Variants in MCPH1 observed in about 807,000 individuals in gnomAD.
The protein encoded by MCPH1 is microcephalin 1.
Under a neutral mutation model 84.5 loss-of-function variants are expected in MCPH1, and 104 were observed. The ratio of observed to expected loss-of-function variants is 1.23; its 90% CI spans 1.05 to 1.45. The LOEUF (loss-of-function observed/expected upper bound fraction) is 1.45, where lower values mean the gene tolerates loss of function less well. MCPH1 is among the 40% of genes most tolerant of loss of function. The pLI is 0.00. For synonymous variants in MCPH1, 514 were observed against 366.8 expected (o/e 1.40, Z -4.58); for missense variants, 1,498 against 1,005.7 (o/e 1.49, Z -6.62).
intron 4 of MCPH1, among the ~76,000 whole-genome samples, chr8:6,434,010 G>A (rs373008634): frequency 1.3e-4 from 20 of 152,030 alleles, no homozygotes; most frequent in Admixed American, 4.6e-4. Flanking sequence ...CACATGACCC[G>A]TTTTCCAGCC....
intron 12 of MCPH1, among the ~76,000 whole-genome samples, chr8:6,530,114 A>T (rs75526852): frequency 6.6e-6 from 1 of 152,226 alleles, no homozygotes; most frequent in Non-Finnish European, 1.5e-5. Flanking sequence ...CATTTTTTGG[A>T]TGAGCTATTC....
intron 13 of MCPH1, chr8:6,626,189 C>A (rs1401854434): frequency 1.0e-6 from 1 of 985,236 alleles, no homozygotes; most frequent in Non-Finnish European, 1.2e-6. Context: ...GCCCGCCACC[C>A]CAGCTGCCCC....
At chr8:6,586,487 C>T (rs932266255) in intron 12 of MCPH1, among the ~76,000 whole-genome samples, 1 of 152,192 alleles carries the variant, frequency 6.6e-6, no homozygotes, top group African/African-American at 2.4e-5. Context: ...TCTGTACAGC[C>T]TCCATGCAGT....
At chr8:6,447,853 A>G (rs1314556307) in intron 8 of MCPH1, among the ~76,000 whole-genome samples, 2 of 151,888 alleles carry the variant, frequency 1.3e-5, no homozygotes, top group African/African-American at 2.4e-5. Context: ...CCGGCCAACA[A>G]TTTTGTTTTC....
At chr8:6,443,362 G>A (rs1215624713) in intron 7 of MCPH1, among the ~76,000 whole-genome samples, 1 of 148,270 alleles carries the variant, frequency 6.7e-6, no homozygotes, top group African/African-American at 2.6e-5. Context: ...AAAATTAAAA[G>A]TGACCTTATT....
At chr8:6,530,102 G>T (rs1249732697) in intron 12 of MCPH1, among the ~76,000 whole-genome samples, 5 of 152,050 alleles carry the variant, frequency 3.3e-5, no homozygotes, top group Admixed American at 3.3e-4. Context: ...ATGCTTATGA[G>T]ACATTTTTTG....
intron 12 of MCPH1, among the ~76,000 whole-genome samples, chr8:6,527,899 A>G (rs367929830): frequency 7.5e-6 from 1 of 133,122 alleles, no homozygotes. Context: ...CCACGTCTCT[A>G]TTTTTTTTTT....
intron 13 of MCPH1, chr8:6,626,534 AAAAT>A: frequency 4.1e-6 from 4 of 981,648 alleles, no homozygotes; most frequent in Non-Finnish European, 4.8e-6. Flanking sequence ...AACATGGATA[AAAAT>A]AAACGGGAAA....
intron 12 of MCPH1, among the ~76,000 whole-genome samples, chr8:6,523,405 A>T (rs1817733782): frequency 6.6e-6 from 1 of 152,230 alleles, no homozygotes; most frequent in Non-Finnish European, 1.5e-5. Flanking sequence ...CAACTTATAA[A>T]CATACATTGC....
At chr8:6,547,834 T>C (rs1057066839) in intron 12 of MCPH1, among the ~76,000 whole-genome samples, 3 of 151,220 alleles carry the variant, frequency 2.0e-5, no homozygotes, top group Non-Finnish European at 4.4e-5. Context: ...GTGGCAGAGG[T>C]TTTCCTATTG....
intron 11 of MCPH1, among the ~76,000 whole-genome samples, chr8:6,483,750 C>G (rs2129560182): frequency 6.6e-6 from 1 of 152,292 alleles, no homozygotes; most frequent in Non-Finnish European, 1.5e-5. Context: ...ATCCCAGCTA[C>G]TCAGGAGGCT....
At chr8:6,438,810 G>A (rs1482632330) in intron 5 of MCPH1, 143 bp from the exon 6 acceptor site, 2 of 705,882 alleles carry the variant, frequency 2.8e-6, no homozygotes, top group Admixed American at 2.2e-5. Flanking sequence ...GGTGGTGGAG[G>A]TAGAATATTA....
intron 12 of MCPH1, among the ~76,000 whole-genome samples, chr8:6,541,445 A>G (rs1821555196): frequency 6.6e-6 from 1 of 152,096 alleles, no homozygotes; most frequent in South Asian, 2.1e-4. Flanking sequence ...GAGAAAGACA[A>G]TATTTCTAGT....
At chr8:6,465,443 G>A (rs1431470553) in intron 9 of MCPH1, among the ~76,000 whole-genome samples, 2 of 152,080 alleles carry the variant, frequency 1.3e-5, no homozygotes, top group East Asian at 1.9e-4. Flanking sequence ...GCACATCACC[G>A]GTATTCTCTT....
At chr8:6,439,178 A>T in intron 6 of MCPH1, 82 bp downstream of exon 6, 1 of 1,399,638 alleles carries the variant, frequency 7.1e-7, no homozygotes, top group Non-Finnish European at 9.9e-7. Context: ...CTTTGCCTAG[A>T]TATTTTAATG....
intron 9 of MCPH1, chr8:6,474,121 A>G (rs998184799): frequency 1.2e-5 from 9 of 765,032 alleles, no homozygotes; most frequent in Admixed American, 1.7e-5. Flanking sequence ...AGAAATCACA[A>G]CCGTGGTAAT....
At chr8:6,477,365 G>A (rs1267325262) in intron 9 of MCPH1, 1 of 518,990 alleles carries the variant, frequency 1.9e-6, no homozygotes, top group Non-Finnish European at 3.4e-6. Flanking sequence ...TTTTGCTCTT[G>A]TACCTCATGT....
chr8:6,590,733 G>T (rs1465526627), intron 12 of MCPH1, among the ~76,000 whole-genome samples: 2 of 152,196 alleles, frequency 1.3e-5, no homozygotes, highest in Non-Finnish European at 2.9e-5. Context: ...TTTGATTCTT[G>T]CAGTAACCCT....
At chr8:6,590,988 G>A (rs1025777361) in intron 12 of MCPH1, among the ~76,000 whole-genome samples, 2 of 152,172 alleles carry the variant, frequency 1.3e-5, no homozygotes, top group Admixed American at 6.6e-5. Flanking sequence ...TGCAACCTCC[G>A]CTTCCTGGGC....
Sources: allele counts gnomAD v4.1 joint callset (sites outside exome capture counted in the v4.1 genomes callset), GRCh38; gene constraint gnomAD v4.1.1; transcripts MANE v1.5; gene names NCBI Gene and HGNC (gene_info 2026-07-23, HGNC 2026-07-21).